Variants in ASAP1 observed in about 807,000 individuals in gnomAD.
ASAP1 encodes the protein ArfGAP with SH3 domain, ankyrin repeat and PH domain 1, also known as arf-GAP with SH3 domain, ANK repeat and PH domain-containing protein 1.
A neutral mutation model predicts 145.2 loss-of-function variants in ASAP1; 43 were observed. The observed-to-expected ratio is 0.30, with a 90% CI of 0.23 to 0.38. ASAP1 has a LOEUF of 0.38. Among genes scored for constraint, ASAP1 ranks in the 10% least tolerant of loss-of-function variants. ASAP1 has a pLI of 1.00. For missense variants in ASAP1, 1,018 were observed against 1,355.3 expected (o/e 0.75, Z 3.91); for synonymous variants, 546 against 515.5 (o/e 1.06, Z -0.80).
At chr8:130,326,372 C>T (rs955864618) in intron 3 of ASAP1, among the ~76,000 whole-genome samples, 2 of 152,246 alleles carry the variant, frequency 1.3e-5, no homozygotes, top group Non-Finnish European at 2.9e-5. Flanking sequence ...CACTTTCCTA[C>T]AACTTTTATA....
chr8:130,402,071 C>T (rs1828822595), intron 1 of ASAP1, 101 bp from the exon 2 acceptor site: 2 of 714,782 alleles, frequency 2.8e-6, no homozygotes, highest in East Asian at 5.2e-5. Flanking sequence ...GGAGGCTGCA[C>T]CTTTGTCAGG....
At chr8:130,093,686 A>AAAAG (rs1554821357) in intron 24 of ASAP1, among the ~76,000 whole-genome samples, 1,327 of 131,646 alleles carry the variant, frequency 0.01, 62 homozygotes, top group African/African-American at 0.021. Flanking sequence ...AAAAAAAAAA[A>AAAAG]AAAGAAAGCT....
intron 1 of ASAP1, among the ~76,000 whole-genome samples, chr8:130,415,459 C>G (rs1366116715): frequency 1.3e-5 from 2 of 152,060 alleles, no homozygotes; most frequent in Admixed American, 6.5e-5. Context: ...CACAGCAAGA[C>G]AGCAAGACCC....
intron 2 of ASAP1, among the ~76,000 whole-genome samples, chr8:130,388,063 A>G (rs960846900): frequency 2.0e-5 from 3 of 152,230 alleles, no homozygotes; most frequent in East Asian, 3.8e-4. Flanking sequence ...AGGACATAGC[A>G]TTTAAGCTGA....
At chr8:130,386,547 A>G (rs532448136) in intron 2 of ASAP1, 7 of 152,174 alleles carry the variant, frequency 4.6e-5, no homozygotes, top group Non-Finnish European at 8.8e-5. Flanking sequence ...GTAGATACAC[A>G]ATCGCCACGC....
chr8:130,107,671 C>T (rs995609777), intron 24 of ASAP1, among the ~76,000 whole-genome samples: 1 of 152,012 alleles, frequency 6.6e-6, no homozygotes, highest in Non-Finnish European at 1.5e-5. Flanking sequence ...CCTCAGAATC[C>T]TGAGTAGCTG....
rs398009912 is a variant in ASAP1, at chr8:130,332,916, G to GTT, written c.186+25099_186+25100dup. 1.7e-3 allele frequency among the ~76,000 whole-genome samples: 250 copies of GTT among 148,552 alleles called. 1 individual carries two copies. Among genetic ancestry groups the GTT allele is most frequent in the African/African-American group, 3.4e-3 (139 of 40,620 alleles). Reference sequence around the variant, plus strand: ...GAAATCTATAACAGCTAAAAAAGAAGTTTTTTTTTTTAAAGGGAAAATAAT... The same window carrying GTT: ...GAAATCTATAACAGCTAAAAAAGAAGTTTTTTTTTTTTTAAAGGGAAAATAAT... On this transcript the variant is annotated intron_variant, in intron 3 of 29. Transcript: ENST00000518721.
intron 3 of ASAP1, among the ~76,000 whole-genome samples, chr8:130,237,856 T>C (rs1441118481): frequency 2.6e-5 from 4 of 152,100 alleles, no homozygotes; most frequent in Non-Finnish European, 5.9e-5. Flanking sequence ...TAAAACAATT[T>C]TAGGCCCCTT....
chr8:130,319,092 T>TAAA (rs1823846128), intron 3 of ASAP1, among the ~76,000 whole-genome samples: 1 of 152,236 alleles, frequency 6.6e-6, no homozygotes. Flanking sequence ...AATTTTCACT[T>TAAA]CCTCTGTAGC....
At chr8:130,431,366 C>T (rs1010761558) in intron 1 of ASAP1, among the ~76,000 whole-genome samples, 7 of 152,200 alleles carry the variant, frequency 4.6e-5, no homozygotes, top group African/African-American at 1.4e-4. Flanking sequence ...AGTTCAAGCT[C>T]CAGGATATGG....
At chr8:130,360,662 T>C (rs962080833) in intron 2 of ASAP1, 1 of 152,166 alleles carries the variant, frequency 6.6e-6, no homozygotes, top group African/African-American at 2.4e-5. Flanking sequence ...CTTTAAAAAA[T>C]TAGTAAATAA....
intron 14 of ASAP1, among the ~76,000 whole-genome samples, chr8:130,136,148 T>C (rs1565002126): frequency 6.6e-6 from 1 of 152,172 alleles, no homozygotes; most frequent in Non-Finnish European, 1.5e-5. Flanking sequence ...ATCCTCTCTT[T>C]ACAAAGAGGA....
At position 130,402,676 on chromosome 8, in the gene ASAP1, G is replaced by C. The variant is rs560107740; in HGVS notation, c.-27-706C>G. On this transcript the variant is annotated intron_variant, in intron 1 of 29. Coordinates refer to ENST00000518721, the MANE Select transcript of ASAP1 (RefSeq NM_018482.4). Reference sequence around the variant, plus strand: ...ATCTCCATCCAGGGCGAAAAACCGAGAGACATCTCAGTTCCACCATCTCCC... The same window carrying C: ...ATCTCCATCCAGGGCGAAAAACCGACAGACATCTCAGTTCCACCATCTCCC... 2.6e-5 allele frequency among the ~76,000 whole-genome samples: 4 copies of C among 152,206 alleles called. 1 individual carries two copies. The highest frequency in any genetic ancestry group is 4.2e-4 in the South Asian group (2 of 4,814).
At chr8:130,226,818 C>T (rs1817613142) in intron 4 of ASAP1, among the ~76,000 whole-genome samples, 3 of 152,328 alleles carry the variant, frequency 2.0e-5, no homozygotes, top group Middle Eastern at 3.4e-3. Context: ...ATCATACAGC[C>T]TTCCTACCTG....
chr8:130,420,762 T>C (rs916898228), intron 1 of ASAP1, among the ~76,000 whole-genome samples: 3 of 151,856 alleles, frequency 2.0e-5, no homozygotes, highest in African/African-American at 7.3e-5. Context: ...GGCGTAGTGG[T>C]GCACACCTGT....
Position 130,142,969 on chromosome 8 carries a change from T to C in ASAP1, c.1081-5931A>G, listed in dbSNP as rs138987805. ...GCAATGAAATGAGGAGGGCCTGAAT[T>C]AGAGCTACGTACGGTAGTGGTGCTG... On this transcript the variant is annotated intron_variant, in intron 13 of 29. Coordinates refer to ENST00000518721, the MANE Select transcript of ASAP1 (RefSeq NM_018482.4). Among the ~76,000 whole-genome samples the C allele has an allele frequency of 9.5e-4, 145 of 152,210 alleles. 2 individuals are homozygous for C. The highest frequency in any genetic ancestry group is 3.3e-3 in the African/African-American group (136 of 41,550).
chr8:130,300,159 G>C (rs5021076), intron 3 of ASAP1, among the ~76,000 whole-genome samples: 23,928 of 98,996 alleles, frequency 0.24, 2,133 homozygotes, highest in African/African-American at 0.29. Context: ...CACACAGAGA[G>C]AGAGAGAGAG....
At chr8:130,412,360 T>G (rs1328184811) in intron 1 of ASAP1, among the ~76,000 whole-genome samples, 1 of 152,090 alleles carries the variant, frequency 6.6e-6, no homozygotes, top group East Asian at 1.9e-4. Context: ...AGTGAGTGAC[T>G]TTCCGTGAGA....
intron 3 of ASAP1, among the ~76,000 whole-genome samples, chr8:130,262,457 A>AGAGAG (rs796416744): frequency 1.6e-5 from 2 of 127,802 alleles, no homozygotes; most frequent in African/African-American, 5.8e-5. Context: ...AGAGAGAGAG[A>AGAGAG]ACCTGTGGAA....
Sources: allele counts gnomAD v4.1 joint callset (sites outside exome capture counted in the v4.1 genomes callset), GRCh38; gene constraint gnomAD v4.1.1; transcripts MANE v1.5; gene names NCBI Gene and HGNC (gene_info 2026-07-23, HGNC 2026-07-21).